Variants in DMRT1 observed in about 807,000 individuals in gnomAD.
The protein encoded by DMRT1 is doublesex and mab-3 related transcription factor 1.
DMRT1 carries 7 observed loss-of-function variants against 32.3 expected under a neutral mutation model. That is an observed-to-expected ratio of 0.22 (90% confidence interval 0.12 to 0.41). The LOEUF (loss-of-function observed/expected upper bound fraction) is 0.41, where lower values mean the gene tolerates loss of function less well. Among genes scored for constraint, DMRT1 ranks in the 10% least tolerant of loss-of-function variants. The probability of loss-of-function intolerance (pLI) is 1.00; values close to 1 mark genes in which losing one functional copy is unlikely to be tolerated. For missense variants in DMRT1, 625 were observed against 500.5 expected, an observed-to-expected ratio of 1.25 and a Z score of -2.37; for synonymous variants, 278 against 206.1, an observed-to-expected ratio of 1.35 and a Z score of -2.99.
rs1389387351 is a variant in DMRT1, at chr9:893,780, G to A, written c.539-132G>A. On this transcript the variant is annotated intron_variant, in intron 2 of 4. Coordinates refer to ENST00000382276, the MANE Select transcript of DMRT1 (RefSeq NM_021951.3). ...CTCCCTTATTTTGGCTATAGGAGAAGCAACAGATGGTTTTGTCTTCTGCAT... is the reference window on the plus strand; with the variant it reads ...CTCCCTTATTTTGGCTATAGGAGAAACAACAGATGGTTTTGTCTTCTGCAT... 1.1e-5 allele frequency: 9 copies of A among 809,164 alleles called. No individual in the cohort carries two copies. The Middle Eastern group carries it at 1.3e-3, about 120-fold the overall frequency. 50.1% of individuals were successfully genotyped at this position (809,164 alleles called of 1,614,324 possible). A position where few individuals can be genotyped will look rare whatever the true frequency, so the allele number is the denominator to read the frequency against.
In DMRT1 at chr9:916,767, A is replaced by G; in HGVS notation, c.827A>G (p.Lys276Arg). 6.2e-7 allele frequency: 1 copy of G among 1,614,210 alleles called. No individual in the cohort carries two copies. The change falls in exon 4 of 5, where the codon AAG becomes AGG. Residue 276 changes from lysine (K) to arginine (R), a missense_variant. By Grantham distance (26) the Lys-to-Arg change is conservative. Coordinates refer to ENST00000382276, the MANE Select transcript of DMRT1 (RefSeq NM_021951.3). Reference protein sequence around the residue: ...PGQTGNQWQMKNMENRHAMSS... With the variant: ...PGQTGNQWQMRNMENRHAMSS... ...TTCTTCTTTTTTCTTAAGCAGATGA[A>G]GAACATGGAGAACCGCCATGCAATG...
intron 4 of DMRT1, among the ~76,000 whole-genome samples, chr9:958,128 G>A (rs949402149): frequency 3.3e-5 from 5 of 152,180 alleles, no homozygotes; most frequent in Non-Finnish European, 5.9e-5. Flanking sequence ...CAACATTGAA[G>A]TTTTGTGTGT....
chr9:848,701 C>G (rs1213220010), intron 2 of DMRT1, among the ~76,000 whole-genome samples: 1 of 149,642 alleles, frequency 6.7e-6, no homozygotes, highest in East Asian at 2.0e-4. Flanking sequence ...CTACAGGCGC[C>G]CGCCACCACA....
At chr9:946,135 C>CTTT (rs1174891518) in intron 4 of DMRT1, among the ~76,000 whole-genome samples, 11 of 143,460 alleles carry the variant, frequency 7.7e-5, no homozygotes, top group African/African-American at 2.8e-4. Flanking sequence ...TTCTTTCTTT[C>CTTT]TTTTTTTTTT....
chr9:894,284 C>A (rs903085323), intron 3 of DMRT1, 89 bp downstream of exon 3: 4 of 1,388,894 alleles, frequency 2.9e-6, no homozygotes, highest in East Asian at 2.3e-5. Context: ...GAGGCACACA[C>A]GCACTTGTGC....
chr9:846,857 C>G, intron 1 of DMRT1, 103 bp from the exon 2 acceptor site: 1 of 1,401,022 alleles, frequency 7.1e-7, no homozygotes, highest in Non-Finnish European at 1.0e-6. Flanking sequence ...GACCTCACCT[C>G]CAGAGCTAGT....
At chr9:895,256 G>T (rs1037454805) in intron 3 of DMRT1, among the ~76,000 whole-genome samples, 1 of 152,164 alleles carries the variant, frequency 6.6e-6, no homozygotes, top group African/African-American at 2.4e-5. Flanking sequence ...CATCATGCCC[G>T]TTTGTTAGCA....
chr9:961,362 G>C (rs1484568577), intron 4 of DMRT1, among the ~76,000 whole-genome samples: 1 of 152,162 alleles, frequency 6.6e-6, no homozygotes, highest in East Asian at 1.9e-4. Context: ...TGGAGACATT[G>C]ACACCTGTGC....
intron 3 of DMRT1, among the ~76,000 whole-genome samples, chr9:910,252 C>T (rs1817926083): frequency 6.6e-6 from 1 of 150,700 alleles, no homozygotes; most frequent in Non-Finnish European, 1.5e-5. Context: ...AATGTGAGCA[C>T]AGGCATTTTT....
At position 951,477 on chromosome 9, in the gene DMRT1, G is replaced by A. The variant is rs1819425784; in HGVS notation, c.968-16508G>A. 2.0e-5 allele frequency among the ~76,000 whole-genome samples: 3 copies of A among 152,304 alleles called. No homozygotes were observed. In the South Asian group the frequency reaches 6.2e-4, roughly 32 times the overall value. ...ATCCACTTACCTAGCAGTGCATTCT[G>A]TATACTGAATGGTACAGATGACACT... On this transcript the variant is annotated intron_variant, in intron 4 of 4. Coordinates refer to ENST00000382276, the MANE Select transcript of DMRT1 (RefSeq NM_021951.3).
chr9:860,880 G>C (rs1815628782), intron 2 of DMRT1, among the ~76,000 whole-genome samples: 2 of 152,302 alleles, frequency 1.3e-5, no homozygotes, highest in African/African-American at 2.4e-5. Flanking sequence ...GCAGCTGTGA[G>C]CCTGAGTGCT....
At chr9:899,196 A>G (rs1021422961) in intron 3 of DMRT1, among the ~76,000 whole-genome samples, 2 of 152,192 alleles carry the variant, frequency 1.3e-5, no homozygotes, top group African/African-American at 2.4e-5. Context: ...TAAAAAAGAA[A>G]CAAGAAAACA....
intron 3 of DMRT1, among the ~76,000 whole-genome samples, chr9:912,863 G>C (rs975874812): frequency 6.6e-6 from 1 of 152,086 alleles, no homozygotes; most frequent in African/African-American, 2.4e-5. Flanking sequence ...AGATTTTCTT[G>C]AGTGGAGTCC....
chr9:903,761 C>G (rs146331237), intron 3 of DMRT1, among the ~76,000 whole-genome samples: 2 of 152,268 alleles, frequency 1.3e-5, no homozygotes, highest in East Asian at 3.9e-4. Flanking sequence ...CCTCTGGATA[C>G]CTGGGGCCCT....
chr9:903,753 T>C (rs1817673620), intron 3 of DMRT1, among the ~76,000 whole-genome samples: 1 of 152,190 alleles, frequency 6.6e-6, no homozygotes, highest in African/African-American at 2.4e-5. Context: ...AGAATTGGCC[T>C]CTGGATACCT....
intron 3 of DMRT1, among the ~76,000 whole-genome samples, chr9:906,353 C>G (rs1052739639): frequency 2.0e-5 from 3 of 150,060 alleles, no homozygotes; most frequent in Non-Finnish European, 4.5e-5. Context: ...CATAAGACAC[C>G]CTTCACACTG....
At position 893,374 on chromosome 9, in the gene DMRT1, G is replaced by A. The variant is rs533138674; in HGVS notation, c.539-538G>A. ...AGTGATTGAATAGTTGACAAAACCT[G>A]AAATAGTTACTGACCTCTTACACTA... On this transcript the variant is annotated intron_variant, in intron 2 of 4. Transcript: ENST00000382276. Among the ~76,000 whole-genome samples, 28 of 152,336 alleles carry A rather than the reference G, an allele frequency of 1.8e-4. No individual in the cohort carries two copies. In the South Asian group the frequency reaches 2.3e-3, roughly 12 times the overall value.
At chr9:945,894 T>A (rs1395207839) in intron 4 of DMRT1, among the ~76,000 whole-genome samples, 3 of 152,164 alleles carry the variant, frequency 2.0e-5, no homozygotes, top group Non-Finnish European at 2.9e-5. Context: ...TGCAGATATG[T>A]GTTTCTGTAG....
At chr9:873,449 G>A (rs1283027297) in intron 2 of DMRT1, among the ~76,000 whole-genome samples, 1 of 151,704 alleles carries the variant, frequency 6.6e-6, no homozygotes, top group Non-Finnish European at 1.5e-5. Flanking sequence ...GGGATTACAG[G>A]TGCCTGCCAC....
Sources: gnomAD v4.1 joint callset for allele counts (sites outside exome capture counted in the v4.1 genomes callset) on GRCh38, gnomAD v4.1.1 for gene constraint, MANE v1.5 for transcripts, NCBI Gene and HGNC (gene_info 2026-07-23, HGNC 2026-07-21) for gene names.